Variants in PRLR observed in about 807,000 individuals in gnomAD.
PRLR encodes hPRL receptor.
PRLR carries 13 observed loss-of-function variants against 40.2 expected under a neutral mutation model. The ratio of observed to expected loss-of-function variants is 0.32; its 90% CI spans 0.21 to 0.51. PRLR has a LOEUF of 0.51. PRLR is among the 20% of genes least tolerant of loss of function. PRLR has a pLI of 0.97. For synonymous variants in PRLR, 269 were observed against 278.7 expected (o/e 0.97, Z 0.35); for missense variants, 656 against 747.3 (o/e 0.88, Z 1.42).
intron 1 of PRLR, among the ~76,000 whole-genome samples, chr5:35,187,743 G>A (rs1579780351): frequency 6.6e-6 from 1 of 152,286 alleles, no homozygotes; most frequent in East Asian, 1.9e-4. Context: ...TAGCTTTGGG[G>A]CAGCAGGATC....
intron 1 of PRLR, among the ~76,000 whole-genome samples, chr5:35,118,908 G>A (rs539999566): frequency 1.1e-4 from 17 of 151,338 alleles, no homozygotes; most frequent in African/African-American, 3.6e-4. Context: ...CATTTCACCC[G>A]CCCCCTGCCC....
At chr5:35,068,916 A>G in intron 7 of PRLR, 38 bp from the exon 8 acceptor site, 2 of 1,467,198 alleles carry the variant, frequency 1.4e-6, no homozygotes, top group South Asian at 1.1e-5. Context: ...GATCACGTAC[A>G]GCATCATTAA....
chr5:35,049,911 T>C (rs1768431178), intron 8 of PRLR, among the ~76,000 whole-genome samples: 2 of 150,068 alleles, frequency 1.3e-5, no homozygotes, highest in Non-Finnish European at 3.0e-5. Context: ...TTCTTTTTTT[T>C]TTTTTTTTTT....
At chr5:35,191,342 T>C (rs568666552) in intron 1 of PRLR, among the ~76,000 whole-genome samples, 1 of 87,674 alleles carries the variant, frequency 1.1e-5, no homozygotes, top group African/African-American at 4.0e-5. Context: ...AGTGCTGGGA[T>C]TACAGGCGTG....
At chr5:35,185,795 C>A (rs4425481) in intron 1 of PRLR, among the ~76,000 whole-genome samples, 7,396 of 152,214 alleles carry the variant, frequency 0.049, 214 homozygotes, top group Middle Eastern at 0.13. Context: ...TGAGACCAGC[C>A]CATTGATTGC....
intron 2 of PRLR, among the ~76,000 whole-genome samples, chr5:35,113,336 C>A (rs1266392869): frequency 6.9e-6 from 1 of 145,822 alleles, no homozygotes; most frequent in East Asian, 2.2e-4. Flanking sequence ...CATTAACCCA[C>A]CCACCCACCT....
At chr5:35,124,846 T>C (rs1249472514) in intron 1 of PRLR, among the ~76,000 whole-genome samples, 2 of 152,182 alleles carry the variant, frequency 1.3e-5, no homozygotes, top group Non-Finnish European at 2.9e-5. Context: ...TTCCAAAATG[T>C]TTTTCATCTG....
chr5:35,125,583 A>G (rs940173390), intron 1 of PRLR, among the ~76,000 whole-genome samples: 1 of 152,226 alleles, frequency 6.6e-6, no homozygotes, highest in Non-Finnish European at 1.5e-5. Context: ...CTTAATCCCC[A>G]TAAGGGGTTT....
chr5:35,150,938 C>T (rs1774325906), intron 1 of PRLR, among the ~76,000 whole-genome samples: 1 of 152,040 alleles, frequency 6.6e-6, no homozygotes, highest in Admixed American at 6.5e-5. Context: ...CTGATAGTTG[C>T]TAATAGTAGG....
In PRLR at chr5:35,089,553, T is replaced by C. The variant is rs748598098; in HGVS notation, c.68A>G (p.Asn23Ser). The change falls in exon 3 of 10, where the codon AAT becomes AGT. Residue 23 changes from asparagine to serine, a missense_variant and splice_region_variant. Around this residue, in one of 3 missense-constraint regions of PRLR, gnomAD observed 180 missense variants for 236.8 expected, o/e 0.76. Coordinates refer to ENST00000618457, the MANE Select transcript of PRLR (RefSeq NM_000949.7). ...LLLFLNTCLL[N>S]GQLPPGKPEI... Reference sequence around the variant, plus strand: ...GAGCGTGATAGCCTCTTACTTACCATTCAGAAGGCAGGTGTTGAGAAAAAG... The same window carrying C: ...GAGCGTGATAGCCTCTTACTTACCACTCAGAAGGCAGGTGTTGAGAAAAAG... 84 of 1,606,836 alleles carry C rather than the reference T, an allele frequency of 5.2e-5. No individual in the cohort carries two copies. Among genetic ancestry groups the C allele is most frequent in the Non-Finnish European group, 5.1e-6 (6 of 1,173,574 alleles).
chr5:35,083,731 G>C (rs1330304750), intron 5 of PRLR, among the ~76,000 whole-genome samples: 3 of 151,746 alleles, frequency 2.0e-5, no homozygotes, highest in African/African-American at 7.3e-5. Context: ...TGTTGGTCAG[G>C]CTGGTCTTGA....
chr5:35,136,217 G>T (rs1024268929), intron 1 of PRLR, among the ~76,000 whole-genome samples: 1 of 152,162 alleles, frequency 6.6e-6, no homozygotes, highest in Admixed American at 6.6e-5. Flanking sequence ...ACTCTCTGAG[G>T]CCCATGTATG....
chr5:35,199,077 C>T (rs917581600), intron 1 of PRLR, among the ~76,000 whole-genome samples: 14 of 152,260 alleles, frequency 9.2e-5, no homozygotes, highest in African/African-American at 1.9e-4. Context: ...GCTTCTCCTC[C>T]GAAGCAGGAA....
At chr5:35,209,041 A>C (rs780952026) in intron 1 of PRLR, among the ~76,000 whole-genome samples, 1 of 152,136 alleles carries the variant, frequency 6.6e-6, no homozygotes, top group African/African-American at 2.4e-5. Context: ...ATTATTGACT[A>C]TCATATAACA....
chr5:35,193,668 G>T (rs746477442), intron 1 of PRLR, among the ~76,000 whole-genome samples: 1 of 152,158 alleles, frequency 6.6e-6, no homozygotes, highest in Non-Finnish European at 1.5e-5. Context: ...CTTAGGCTGG[G>T]TTCTCACATC....
chr5:35,197,740 C>T lies in PRLR; in HGVS notation c.-106+32528G>A, dbSNP rs114320040. ...CACTCCACAAAGAAGCCTCCCCAAC[C>T]AGCGACTGCTGCTCAGATCATGCAC... On this transcript the variant is annotated intron_variant, in intron 1 of 9. Coordinates refer to ENST00000618457, the MANE Select transcript of PRLR (RefSeq NM_000949.7). Among the ~76,000 whole-genome samples, 1,067 of 152,358 alleles carry T rather than the reference C, an allele frequency of 7.0e-3. 5 individuals carry two copies. Among genetic ancestry groups the T allele is most frequent in the Non-Finnish European group, 0.01 (707 of 68,036 alleles).
chr5:35,128,515 T>C (rs1371637184), intron 1 of PRLR, among the ~76,000 whole-genome samples: 3 of 151,652 alleles, frequency 2.0e-5, no homozygotes, highest in Admixed American at 2.0e-4. Flanking sequence ...TATTGTATTA[T>C]CATTTTTTTT....
At chr5:35,102,337 T>A (rs1035253277) in intron 2 of PRLR, among the ~76,000 whole-genome samples, 3 of 152,022 alleles carry the variant, frequency 2.0e-5, no homozygotes, top group South Asian at 4.2e-4. Context: ...AGATTCTGAG[T>A]CTTCTTTTTA....
intron 3 of PRLR, among the ~76,000 whole-genome samples, chr5:35,087,033 G>C (rs370789870): frequency 6.6e-6 from 1 of 151,446 alleles, no homozygotes; most frequent in Non-Finnish European, 1.5e-5. Context: ...TCACTCTATC[G>C]CCCAGGCTGG....
Sources: allele counts gnomAD v4.1 joint callset (sites outside exome capture counted in the v4.1 genomes callset), GRCh38; gene constraint gnomAD v4.1.1; regional missense constraint gnomAD v4.1.1; transcripts MANE v1.5; gene names NCBI Gene and HGNC (gene_info 2026-07-23, HGNC 2026-07-21).